The following LAMA1 variants were observed in gnomAD, a reference collection of about 807,000 sequenced individuals.
The protein encoded by LAMA1 is laminin subunit alpha 1, also known as laminin subunit alpha-1.
In LAMA1, 219 loss-of-function variants were observed where a neutral mutation model predicts 348.7. That is an observed-to-expected ratio of 0.63 (90% confidence interval 0.56 to 0.70). The LOEUF is 0.70. Ranked by LOEUF, LAMA1 falls within the 30% of genes least tolerant of loss-of-function variation. The pLI, the probability that LAMA1 is intolerant of heterozygous loss-of-function variation, is 0.00. For synonymous variants in LAMA1, 1,487 were observed against 1,491.0 expected (o/e 1.00, Z 0.06); for missense variants, 3,744 against 3,888.0 (o/e 0.96, Z 0.99).
rs144211437 is a variant in LAMA1, at chr18:7,004,595, G to A, written c.4261-2210C>T. 9.5e-4 allele frequency among the ~76,000 whole-genome samples: 145 copies of A among 152,214 alleles called. 1 individual carries two copies. The Middle Eastern group carries it at 0.01, about 11-fold the overall frequency. On this transcript the variant is annotated intron_variant, in intron 29 of 62. Coordinates refer to ENST00000389658, the MANE Select transcript of LAMA1 (RefSeq NM_005559.4). ...TCAAACTCCCAGCCCCAGGTGATCCGCCCACCTTGGCCTCCCAAAGTGTTG... is the reference window on the plus strand; with the variant it reads ...TCAAACTCCCAGCCCCAGGTGATCCACCCACCTTGGCCTCCCAAAGTGTTG...
At chr18:7,055,805 G>C (rs2058079225) in intron 3 of LAMA1, among the ~76,000 whole-genome samples, 1 of 152,160 alleles carries the variant, frequency 6.6e-6, no homozygotes, top group Admixed American at 6.5e-5. Context: ...ATAAGGCCTG[G>C]GCGTGGTGGC....
chr18:7,053,211 C>T (rs2058068933), intron 3 of LAMA1, among the ~76,000 whole-genome samples: 1 of 152,028 alleles, frequency 6.6e-6, no homozygotes, highest in African/African-American at 2.4e-5. Context: ...AGGTGGGGCA[C>T]AGGAGATTTT....
chr18:7,036,161 T>C (rs2057993958), intron 12 of LAMA1, 73 bp from the exon 13 acceptor site: 1 of 1,033,356 alleles, frequency 9.7e-7, no homozygotes, highest in Non-Finnish European at 1.5e-6. Context: ...GAGGAAGTGG[T>C]CACTGGGATC....
chr18:7,061,080 C>A (rs571784361), intron 3 of LAMA1, among the ~76,000 whole-genome samples: 1 of 152,276 alleles, frequency 6.6e-6, no homozygotes, highest in Admixed American at 6.5e-5. Context: ...ATCACTTGAG[C>A]CTGGGAGGTC....
rs1158999679 is a variant in LAMA1, at chr18:7,002,082, T to G, written c.4382+182A>C. Reference sequence around the variant, plus strand: ...ACATCCAATACCAAAACAGATACTTTGCTTTTGAAAAGATTCTCTTCCAAT... The same window carrying G: ...ACATCCAATACCAAAACAGATACTTGGCTTTTGAAAAGATTCTCTTCCAAT... On this transcript the variant is annotated intron_variant, in intron 30 of 62. Transcript: ENST00000389658. Among the ~76,000 whole-genome samples, 44 of 152,266 alleles carry G rather than the reference T, an allele frequency of 2.9e-4. 1 individual carries two copies. The highest frequency in any genetic ancestry group is 2.9e-3 in the Admixed American group (44 of 15,292).
At chr18:7,048,313 C>T (rs530957652) in intron 5 of LAMA1, among the ~76,000 whole-genome samples, 10 of 152,244 alleles carry the variant, frequency 6.6e-5, no homozygotes, top group African/African-American at 9.6e-5. Flanking sequence ...ACAGGAACAG[C>T]GGGCATAAAA....
intron 55 of LAMA1, chr18:6,956,992 C>T (rs546890413): frequency 2.8e-4 from 149 of 532,410 alleles, no homozygotes; most frequent in African/African-American, 2.8e-3. Context: ...CTAGCATATC[C>T]CCATGTCAGA....
intron 3 of LAMA1, among the ~76,000 whole-genome samples, chr18:7,059,954 G>A (rs2058096412): frequency 6.6e-6 from 1 of 152,182 alleles, no homozygotes; most frequent in Non-Finnish European, 1.5e-5. Flanking sequence ...AGAATGAAAT[G>A]TAAAATGACC....
At chr18:7,062,654 C>T (rs1378311313) in intron 3 of LAMA1, among the ~76,000 whole-genome samples, 1 of 151,994 alleles carries the variant, frequency 6.6e-6, no homozygotes, top group Non-Finnish European at 1.5e-5. Context: ...TTCTAAAAGG[C>T]CAAAACATGA....
At chr18:6,975,064 A>G (rs1600363307) in intron 45 of LAMA1, 28 bp from the exon 46 acceptor site, 2 of 1,610,604 alleles carry the variant, frequency 1.2e-6, no homozygotes, top group Non-Finnish European at 1.7e-6. Context: ...AACGGGGATC[A>G]GTTTACACAC....
At chr18:7,010,978 C>G (rs560041075) in intron 25 of LAMA1, among the ~76,000 whole-genome samples, 2 of 152,294 alleles carry the variant, frequency 1.3e-5, no homozygotes, top group South Asian at 4.2e-4. Context: ...TAATAACTTT[C>G]GCACCTAATG....
intron 29 of LAMA1, among the ~76,000 whole-genome samples, chr18:7,005,165 G>T (rs919689219): frequency 6.6e-6 from 1 of 152,248 alleles, no homozygotes; most frequent in African/African-American, 2.4e-5. Context: ...GAGGGCTGAA[G>T]ATTCAGGGCC....
intron 1 of LAMA1, among the ~76,000 whole-genome samples, chr18:7,102,253 T>C (rs1243887513): frequency 6.6e-6 from 1 of 152,146 alleles, no homozygotes; most frequent in African/African-American, 2.4e-5. Flanking sequence ...TTTTGTTTAG[T>C]AATAAGTGAT....
intron 53 of LAMA1, chr18:6,960,468 T>C (rs2057601670): frequency 2.0e-5 from 3 of 151,928 alleles, no homozygotes; most frequent in African/African-American, 7.3e-5. Context: ...AATCCATCTA[T>C]ACAGCCGGAA....
In LAMA1 at chr18:6,974,890, C is replaced by A; in HGVS notation, c.6623+13G>T. 1 of 1,614,036 alleles carries A rather than the reference C, an allele frequency of 6.2e-7. No homozygotes were observed. On this transcript the variant is annotated intron_variant, in intron 46 of 62. Coordinates refer to ENST00000389658, the MANE Select transcript of LAMA1 (RefSeq NM_005559.4). ...AAAAAAGAGAGCTGCTTTGAGAGAA[C>A]ATTCTCTTCTACCTGGCTACATGGA... is the stretch of plus-strand genomic sequence containing the variant.
In LAMA1 at chr18:6,980,489, G is replaced by A. The variant is rs369289585; in HGVS notation, c.6007+32C>T. On this transcript the variant is annotated intron_variant, in intron 42 of 62. Coordinates refer to ENST00000389658, the MANE Select transcript of LAMA1 (RefSeq NM_005559.4). ...AGTGATGCTTTTACAATGAGAAGAC[G>A]TTATTTACAGAAGAAAGTCCTTTCC... 193 of 1,254,834 alleles carry A rather than the reference G, an allele frequency of 1.5e-4. 1 individual carries two copies. The highest frequency in any genetic ancestry group is 3.2e-4 in the Admixed American group (19 of 59,628). 77.7% of individuals were successfully genotyped at this position (1,254,834 alleles called of 1,614,324 possible).
chr18:7,010,931 A>T (rs544597768), intron 25 of LAMA1, among the ~76,000 whole-genome samples: 1 of 152,346 alleles, frequency 6.6e-6, no homozygotes, highest in South Asian at 2.1e-4. Context: ...AGTCAATGAC[A>T]AACCACATAT....
chr18:7,038,464 C>T (rs2058005487), intron 11 of LAMA1: 1 of 380,444 alleles, frequency 2.6e-6, no homozygotes, highest in South Asian at 2.2e-5. Context: ...CCCCATGGCC[C>T]CACGGCCCTC....
rs137948858 is a variant in LAMA1 at position 6,948,526 on chromosome 18, C to T, written c.8587G>A (p.Asp2863Asn). 73 of 1,614,188 alleles carry T rather than the reference C, an allele frequency of 4.5e-5. No individual in the cohort carries two copies. Among genetic ancestry groups the T allele is most frequent in the Non-Finnish European group, 5.4e-5 (64 of 1,180,038 alleles). The change falls in exon 60 of 63, where the codon GAT becomes AAT. Residue 2863 changes from aspartate (D) to asparagine (N), a missense_variant. Asp to Asn is a conservative substitution (Grantham distance 23). Around this residue, in one of 3 missense-constraint regions of LAMA1, gnomAD observed 1,983 missense variants for 1,934.3 expected, o/e 1.03. Coordinates refer to ENST00000389658, the MANE Select transcript of LAMA1 (RefSeq NM_005559.4). ...AGCTGTTTGCTGTTAACCGTCACAT[C>T]CCCAATGCAGGCAGGGATGCTGTGG... Reference protein sequence around the residue: ...ITHSIPACIGDVTVNSKQLDK... With the variant: ...ITHSIPACIGNVTVNSKQLDK...
Sources: allele counts gnomAD v4.1 joint callset (sites outside exome capture counted in the v4.1 genomes callset), GRCh38; gene constraint gnomAD v4.1.1; regional missense constraint gnomAD v4.1.1; transcripts MANE v1.5; gene names NCBI Gene and HGNC (gene_info 2026-07-23, HGNC 2026-07-21).